GMDS: variants seen among roughly 807,000 people sequenced by gnomAD.
GMDS encodes the protein GDP-mannose 4,6 dehydratase.
Under a neutral mutation model 49.9 loss-of-function variants are expected in GMDS, and 20 were observed. That is an observed-to-expected ratio of 0.40 (90% CI 0.28 to 0.58). The LOEUF is 0.58. Among genes scored for constraint, GMDS ranks in the 20% least tolerant of loss-of-function variants. The probability of loss-of-function intolerance (pLI) is 0.42; values close to 1 mark genes in which losing one functional copy is unlikely to be tolerated. For synonymous variants in GMDS, 177 were observed against 178.6 expected (o/e 0.99, Z 0.07); for missense variants, 362 against 481.4 (o/e 0.75, Z 2.32).
chr6:2,089,892 A>AAC (rs1469182820), intron 4 of GMDS, among the ~76,000 whole-genome samples: 6 of 152,116 alleles, frequency 3.9e-5, no homozygotes, highest in African/African-American at 1.4e-4. Flanking sequence ...TTTCCTGTGG[A>AAC]ACACGCTGGG....
chr6:1,784,687 G>A (rs1450519376), intron 7 of GMDS, among the ~76,000 whole-genome samples: 1 of 152,190 alleles, frequency 6.6e-6, no homozygotes, highest in Non-Finnish European at 1.5e-5. Context: ...TCTAGAGACT[G>A]CAGAAAAGAA....
chr6:2,045,088 T>G (rs1348621234), intron 4 of GMDS, among the ~76,000 whole-genome samples: 1 of 152,184 alleles, frequency 6.6e-6, no homozygotes, highest in Non-Finnish European at 1.5e-5. Context: ...GTTATTTCTG[T>G]GGTCACTAGC....
At chr6:2,220,614 A>G (rs1780541550) in intron 1 of GMDS, among the ~76,000 whole-genome samples, 1 of 152,194 alleles carries the variant, frequency 6.6e-6, no homozygotes, top group Non-Finnish European at 1.5e-5. Context: ...ACTTTGCTAC[A>G]CACATAAAAT....
At chr6:2,013,978 A>G (rs1275095334) in intron 4 of GMDS, among the ~76,000 whole-genome samples, 1 of 147,408 alleles carries the variant, frequency 6.8e-6, no homozygotes, top group Non-Finnish European at 1.5e-5. Flanking sequence ...TAACTGCAAA[A>G]AACCAAAGAG....
At chr6:1,874,594 A>G (rs1319592103) in intron 7 of GMDS, among the ~76,000 whole-genome samples, 1 of 152,226 alleles carries the variant, frequency 6.6e-6, no homozygotes, top group African/African-American at 2.4e-5. Flanking sequence ...GTATGCTCTT[A>G]TAAGAGTTAT....
rs1554132886 is a variant in GMDS, at chr6:1,914,136, T to TTG, written c.771+15966_771+15967insCA. 6.3e-4 allele frequency among the ~76,000 whole-genome samples: 78 copies of TTG among 123,414 alleles called. 2 individuals are homozygous for TTG. The highest frequency in any genetic ancestry group is 1.4e-3 in the Admixed American group (19 of 13,198). The allele number at this position is 123,414 out of a possible 152,430, so 81.0% of individuals were successfully genotyped here. On this transcript the variant is annotated intron_variant, in intron 7 of 10. Coordinates refer to ENST00000380815, the MANE Select transcript of GMDS (RefSeq NM_001500.4). ...CATGAAAGCGTTTTTTGTTTGTTTTTTTTTTTTTTTTTTTTTTTTTTAATT... is the reference window on the plus strand; with the variant it reads ...CATGAAAGCGTTTTTTGTTTGTTTTTTGTTTTTTTTTTTTTTTTTTTTTAATT...
intron 7 of GMDS, among the ~76,000 whole-genome samples, chr6:1,756,562 A>G (rs1767955134): frequency 6.6e-6 from 1 of 152,148 alleles, no homozygotes; most frequent in Admixed American, 6.5e-5. Flanking sequence ...ATGAGCCACC[A>G]TGCCCGGCTG....
intron 9 of GMDS, among the ~76,000 whole-genome samples, chr6:1,710,560 T>A (rs545338385): frequency 3.9e-5 from 6 of 152,048 alleles, no homozygotes; most frequent in African/African-American, 1.4e-4. Flanking sequence ...AAAACACACG[T>A]CTGCCCTGAC....
intron 1 of GMDS, among the ~76,000 whole-genome samples, chr6:2,186,958 T>A (rs184068894): frequency 6.6e-6 from 1 of 152,390 alleles, no homozygotes; most frequent in East Asian, 1.9e-4. Context: ...AGTGATTCTC[T>A]ATGTTTAAAA....
intron 4 of GMDS, among the ~76,000 whole-genome samples, chr6:2,114,328 G>T (rs889312435): frequency 6.6e-6 from 1 of 152,102 alleles, no homozygotes; most frequent in Non-Finnish European, 1.5e-5. Context: ...TGGTCAGGAA[G>T]GTCAAGAAGC....
At chr6:1,951,038 G>A (rs908011248) in intron 6 of GMDS, among the ~76,000 whole-genome samples, 13 of 152,086 alleles carry the variant, frequency 8.5e-5, no homozygotes, top group East Asian at 5.8e-4. Flanking sequence ...ACTGCCAGAC[G>A]TCCTCTGGAG....
intron 9 of GMDS, among the ~76,000 whole-genome samples, chr6:1,702,680 G>C (rs1299112920): frequency 6.6e-6 from 1 of 152,176 alleles, no homozygotes; most frequent in Non-Finnish European, 1.5e-5. Flanking sequence ...GAACCCTGGG[G>C]AGATCTTAAG....
In GMDS at chr6:1,869,375, C is replaced by T. The variant is rs139192093; in HGVS notation, c.771+60728G>A. On this transcript the variant is annotated intron_variant, in intron 7 of 10. Transcript: ENST00000380815. ...AGAGGAGGAGGTGATCCATCTGTGG[C>T]CCAGGTATGTTTCTCTATGGTGATC... 4.6e-3 allele frequency among the ~76,000 whole-genome samples: 707 copies of T among 152,150 alleles called. 4 individuals carry two copies. Among genetic ancestry groups the T allele is most frequent in the African/African-American group, 0.016 (665 of 41,502 alleles).
chr6:2,133,459 G>A (rs544166954), intron 1 of GMDS, among the ~76,000 whole-genome samples: 30 of 152,214 alleles, frequency 2.0e-4, no homozygotes, highest in Admixed American at 3.9e-4. Context: ...TACTGCTGTT[G>A]GTTAAGCACA....
At chr6:2,164,298 T>G (rs1777553273) in intron 1 of GMDS, among the ~76,000 whole-genome samples, 1 of 152,170 alleles carries the variant, frequency 6.6e-6, no homozygotes, top group African/African-American at 2.4e-5. Flanking sequence ...GTTAGAAAAC[T>G]CAAGTAGTTA....
chr6:2,186,889 T>G (rs1331379443), intron 1 of GMDS, among the ~76,000 whole-genome samples: 3 of 152,270 alleles, frequency 2.0e-5, no homozygotes, highest in Non-Finnish European at 4.4e-5. Context: ...ATTTCATATT[T>G]ATAATTATGC....
intron 7 of GMDS, among the ~76,000 whole-genome samples, chr6:1,860,963 C>T (rs897548291): frequency 2.6e-5 from 4 of 152,218 alleles, no homozygotes; most frequent in African/African-American, 9.6e-5. Flanking sequence ...CAGCAGCACA[C>T]TCTCACTCAC....
At chr6:1,691,489 T>A (rs976721239) in intron 9 of GMDS, among the ~76,000 whole-genome samples, 1 of 152,138 alleles carries the variant, frequency 6.6e-6, no homozygotes, top group Non-Finnish European at 1.5e-5. Flanking sequence ...CTGCACATCC[T>A]GCACATGGTC....
chr6:2,176,617 G>A (rs188551054), intron 1 of GMDS, among the ~76,000 whole-genome samples: 100 of 152,236 alleles, frequency 6.6e-4, no homozygotes, highest in Non-Finnish European at 1.1e-3. Context: ...TGCTGGTTGG[G>A]GTAGGAGGGG....
Sources: allele counts gnomAD v4.1 joint callset (sites outside exome capture counted in the v4.1 genomes callset), GRCh38; gene constraint gnomAD v4.1.1; transcripts MANE v1.5; gene names NCBI Gene and HGNC (gene_info 2026-07-23, HGNC 2026-07-21).